The following CENPE variants were observed in gnomAD, a reference collection of about 807,000 sequenced individuals.
CENPE encodes the protein centromere-associated protein E.
CENPE carries 145 observed loss-of-function variants against 336.1 expected under a neutral mutation model. That is an observed-to-expected ratio of 0.43 (90% CI 0.38 to 0.50). The LOEUF (loss-of-function observed/expected upper bound fraction) is 0.50, where lower values mean the gene tolerates loss of function less well. Among genes scored for constraint, CENPE ranks in the 20% least tolerant of loss-of-function variants. The pLI is 0.00. For missense variants in CENPE, 2,719 were observed against 3,023.3 expected (o/e 0.90, Z 2.36); for synonymous variants, 1,013 against 984.8 (o/e 1.03, Z -0.54).
In CENPE at chr4:103,108,851, G is replaced by A. The variant is rs1380209138; in HGVS notation, c.7963C>T (p.Pro2655Ser). 4.3e-6 allele frequency: 7 copies of A among 1,613,770 alleles called. No individual in the cohort carries two copies. Among genetic ancestry groups the A allele is most frequent in the Non-Finnish European group, 5.1e-6 (6 of 1,179,844 alleles). The change falls in exon 48 of 49, where the codon CCT becomes TCT. Residue 2655 changes from proline (P) to serine (S), a missense_variant. Pro to Ser is a moderately conservative substitution (Grantham distance 74). Transcript: ENST00000265148. ...FDSRSKSLPS[P>S]HPVRYFDNSS... ...TTATCAAAATAGCGAACTGGATGAG[G>A]TGATGGTAAAGACTTTGATCGGCTA...
In CENPE at chr4:103,163,218, C is replaced by T. The variant is rs776306983; in HGVS notation, c.1761G>A (p.Lys587=). 1 of 1,608,974 alleles carries T rather than the reference C, an allele frequency of 6.2e-7. No individual in the cohort carries two copies. The highest frequency in any genetic ancestry group is 2.2e-5 in the East Asian group (1 of 44,694). Residue 587 remains lysine, a synonymous_variant, in exon 18 of 49, where the codon AAG becomes AAA. Coordinates refer to ENST00000265148, the MANE Select transcript of CENPE (RefSeq NM_001813.3). The part of the protein sequence containing the change: ...LSSKVELLRE[K]EDQIKKLQEY... Reference sequence around the variant, plus strand: ...CCTGTAGCTTCTTAATCTGGTCTTCCTTTTCTCTAAGCAGCTCTACTTTTG... The same window carrying T: ...CCTGTAGCTTCTTAATCTGGTCTTCTTTTTCTCTAAGCAGCTCTACTTTTG...
chr4:103,160,747 T>C lies in CENPE; in HGVS notation c.2164A>G (p.Ile722Val). The C allele has an allele frequency of 6.2e-7, 1 of 1,605,028 alleles. No individual in the cohort carries two copies. Among genetic ancestry groups the C allele is most frequent in the Non-Finnish European group, 8.5e-7 (1 of 1,176,012 alleles). The change falls in exon 21 of 49, where the codon ATT (isoleucine) becomes GTT (valine). Residue 722 changes from isoleucine to valine, a missense_variant. By Grantham distance (29) the Ile-to-Val change is conservative. Transcript: ENST00000265148. ...TTTAGTTCTTTCTGAAGATCAGTAA[T>C]CTTTCCTTCCAATTCCAAATTACAG... ...LLCNLELEGKITDLQKELNKE... is the reference protein window; with the variant it reads ...LLCNLELEGKVTDLQKELNKE...
chr4:103,145,748 C>A (rs774330286), intron 30 of CENPE, 67 bp from the exon 31 acceptor site: 3 of 1,507,424 alleles, frequency 2.0e-6, no homozygotes, highest in Non-Finnish European at 2.7e-6. Flanking sequence ...GTAATTAACT[C>A]CCCTTTCCAA....
At position 103,140,821 on chromosome 4, in the gene CENPE, T is replaced by G. The variant is rs200695291; in HGVS notation, c.5747A>C (p.Lys1916Thr). The G allele has an allele frequency of 7.7e-5, 122 of 1,583,164 alleles. No individual in the cohort carries two copies. Among genetic ancestry groups the G allele is most frequent in the Non-Finnish European group, 1.0e-4 (120 of 1,170,220 alleles). ...AGAGAGAACACAACTCACTCTAGCT[T>G]TGGTTTCTTGCAGGCTTTCCTTGAG... ...DQLKESLQET[K>T]ARDLEIQQEL... The change falls in exon 36 of 49, where the codon AAA becomes ACA. Residue 1916 changes from lysine to threonine, a missense_variant. By Grantham distance (78) the Lys-to-Thr change is moderately conservative. This residue lies in a region of CENPE where 2,437 missense variants were observed against 2,513.3 expected (regional missense o/e 0.97). Transcript: ENST00000265148.
chr4:103,159,783 T>C (rs1190638497), intron 21 of CENPE, among the ~76,000 whole-genome samples: 1 of 151,854 alleles, frequency 6.6e-6, no homozygotes, highest in African/African-American at 2.4e-5. Context: ...TTAAGTGGTA[T>C]GGTCCATGAA....
chr4:103,132,964 A>C (rs564598570), intron 41 of CENPE, 68 bp from the exon 42 acceptor site: 3 of 184,584 alleles, frequency 1.6e-5, no homozygotes, highest in Non-Finnish European at 3.2e-5. Context: ...TTTTATTTAT[A>C]TATATATATA....
At chr4:103,111,380 C>A (rs561588243) in intron 46 of CENPE, among the ~76,000 whole-genome samples, 1 of 152,076 alleles carries the variant, frequency 6.6e-6, no homozygotes, top group African/African-American at 2.4e-5. Context: ...GCGTGTGTGG[C>A]GGGGAGGTGA....
At chr4:103,142,564 T>C (rs1752653717) in intron 34 of CENPE, among the ~76,000 whole-genome samples, 1 of 152,236 alleles carries the variant, frequency 6.6e-6, no homozygotes, top group Non-Finnish European at 1.5e-5. Context: ...TTTTCCTTAG[T>C]AACAAATCTT....
chr4:103,136,089 T>C lies in CENPE; in HGVS notation c.6522+52A>G, dbSNP rs367829945. ...GCACCTGAAGCAGGACTTAAATACA[T>C]TGATGTTTATAACTGAAATATTTAA... is the stretch of plus-strand genomic sequence containing the variant. On this transcript the variant is annotated intron_variant, in intron 40 of 48. Coordinates refer to ENST00000265148, the MANE Select transcript of CENPE (RefSeq NM_001813.3). 9.8e-6 allele frequency: 14 copies of C among 1,435,856 alleles called. No individual in the cohort carries two copies. In the African/African-American group the frequency reaches 1.4e-4, roughly 15 times the overall value. The allele number at this position is 1,435,856 out of a possible 1,614,324, so 88.9% of individuals were successfully genotyped here.
chr4:103,142,290 T>C (rs114153596), intron 34 of CENPE, among the ~76,000 whole-genome samples: 2,741 of 152,312 alleles, frequency 0.018, 68 homozygotes, highest in African/African-American at 0.06. Flanking sequence ...AGTATATATG[T>C]AGGCTAAAGT....
chr4:103,135,731 AAT>A, intron 40 of CENPE, among the ~76,000 whole-genome samples: 1 of 150,860 alleles, frequency 6.6e-6, no homozygotes, highest in South Asian at 2.2e-4. Context: ...CACTTAAAAC[AAT>A]AGTCTAATGA....
At chr4:103,123,449 G>A (rs1750822023) in intron 42 of CENPE, among the ~76,000 whole-genome samples, 1 of 152,116 alleles carries the variant, frequency 6.6e-6, no homozygotes, top group Non-Finnish European at 1.5e-5. Flanking sequence ...CACAAGAGTA[G>A]TAATGCTGGC....
chr4:103,163,502 C>G lies in CENPE; in HGVS notation c.1699G>C (p.Glu567Gln). The change falls in exon 17 of 49, where the codon GAA becomes CAA. Residue 567 changes from glutamate to glutamine, a missense_variant. Physicochemically the swap from Glu to Gln is conservative, Grantham distance 29. Transcript: ENST00000265148. ...SNLKNLVKHA[E>Q]VYNQDLENEL... ...ACCTCAAGATCTTGATTATATACTTCTGCATGCTTAACTAAATTCTTTAAG... is the reference window on the plus strand; with the variant it reads ...ACCTCAAGATCTTGATTATATACTTGTGCATGCTTAACTAAATTCTTTAAG... The G allele has an allele frequency of 2.5e-6, 4 of 1,593,574 alleles. No individual in the cohort carries two copies. In the African/African-American group the frequency reaches 4.1e-5, roughly 16 times the overall value.
intron 1 of CENPE, among the ~76,000 whole-genome samples, chr4:103,197,397 T>C (rs1344611322): frequency 6.6e-6 from 1 of 152,248 alleles, no homozygotes; most frequent in Admixed American, 6.5e-5. Context: ...GAAGCTTTCG[T>C]CTCTGATGGG....
At chr4:103,136,092 A>G (rs1359735153) in intron 40 of CENPE, 49 bp downstream of exon 40, 3 of 1,447,546 alleles carry the variant, frequency 2.1e-6, no homozygotes, top group Admixed American at 1.9e-5. Context: ...AAATACATTG[A>G]TGTTTATAAC....
In CENPE at chr4:103,140,291, C is replaced by T. The variant is rs2125916010; in HGVS notation, c.5878G>A (p.Asp1960Asn). Residue 1960 changes from aspartate to asparagine, a missense_variant, in exon 37 of 49, where the codon GAT (aspartate) becomes AAT (asparagine). Asp to Asn is a conservative substitution (Grantham distance 23, BLOSUM62 1). Around this residue, in one of 5 missense-constraint regions of CENPE, gnomAD observed 2,437 missense variants for 2,513.3 expected, o/e 0.97. Transcript: ENST00000265148. Reference sequence around the variant, plus strand: ...AATTCATCTTTTGATTTATCTAAATCCTTTTGAATGTCTGAAATTTGAATT... The same window carrying T: ...AATTCATCTTTTGATTTATCTAAATTCTTTTGAATGTCTGAAATTTGAATT... ...KTIQISDIQKDLDKSKDELQK... is the reference protein window; with the variant it reads ...KTIQISDIQKNLDKSKDELQK... 1 of 1,603,828 alleles carries T rather than the reference C, an allele frequency of 6.2e-7. No homozygotes were observed. The highest frequency in any genetic ancestry group is 2.2e-5 in the East Asian group (1 of 44,684).
intron 24 of CENPE, among the ~76,000 whole-genome samples, chr4:103,155,820 A>G (rs1753917727): frequency 6.6e-6 from 1 of 152,214 alleles, no homozygotes; most frequent in African/African-American, 2.4e-5. Flanking sequence ...TAATATATAA[A>G]TGTACAGATA....
intron 42 of CENPE, among the ~76,000 whole-genome samples, chr4:103,126,212 T>C (rs113253168): frequency 0.019 from 2,838 of 152,262 alleles, 83 homozygotes; most frequent in African/African-American, 0.065. Flanking sequence ...ACAGTTAATA[T>C]TGGAGAAATC....
chr4:103,158,979 A>G (rs778027675), intron 22 of CENPE, 31 bp downstream of exon 22: 2 of 1,532,196 alleles, frequency 1.3e-6, no homozygotes, highest in South Asian at 2.7e-5. Context: ...AAGACTAAGG[A>G]GCATTTCTCA....
Sources: allele counts gnomAD v4.1 joint callset (sites outside exome capture counted in the v4.1 genomes callset), GRCh38; gene constraint gnomAD v4.1.1; regional missense constraint gnomAD v4.1.1; transcripts MANE v1.5; gene names NCBI Gene and HGNC (gene_info 2026-07-23, HGNC 2026-07-21).